Variants in PRR33 observed in about 807,000 individuals in gnomAD.
The protein encoded by PRR33 is proline-rich protein 33.
PRR33 carries 1 observed loss-of-function variant against 0.5 expected under a neutral mutation model. The observed-to-expected ratio is 2.18, with a 90% confidence interval of 0.77 to 10.34. PRR33 has a LOEUF of 10.34. PRR33 is among the 30% of genes most tolerant of loss of function. The probability of loss-of-function intolerance (pLI) is 0.13; values close to 1 mark genes in which losing one functional copy is unlikely to be tolerated. For missense variants in PRR33, 552 were observed against 251.8 expected (o/e 2.19, Z -8.07); for synonymous variants, 226 against 110.0 (o/e 2.06, Z -6.60).
the PRR33 span, among the ~76,000 whole-genome samples, chr11:1,898,855 G>T: frequency 6.6e-6 from 1 of 152,114 alleles, no homozygotes; most frequent in African/African-American, 2.4e-5. Context: ...ACAAAAATTA[G>T]CTGGGCTTGG....
At chr11:1,904,410 T>C in the PRR33 span, among the ~76,000 whole-genome samples, 1 of 151,628 alleles carries the variant, frequency 6.6e-6, no homozygotes, top group South Asian at 2.1e-4. Flanking sequence ...ATGCCTGTAA[T>C]CCCAGCTACT....
At chr11:1,899,615 C>T in the PRR33 span, among the ~76,000 whole-genome samples, 1 of 152,144 alleles carries the variant, frequency 6.6e-6, no homozygotes, top group African/African-American at 2.4e-5. Flanking sequence ...ATGGACCCGA[C>T]GGCCATCCAC....
the PRR33 span, among the ~76,000 whole-genome samples, chr11:1,916,029 G>T: frequency 6.6e-6 from 1 of 152,066 alleles, no homozygotes; most frequent in Admixed American, 6.5e-5. Context: ...CAGACGGAGG[G>T]ATGGATGATG....
At position 1,889,846 on chromosome 11, in the gene PRR33, C is replaced by A. The variant is rs905555351; in HGVS notation, c.739G>T (p.Val247Leu). The A allele has an allele frequency of 6.3e-6, 4 of 633,590 alleles. No individual in the cohort carries two copies. The Admixed American group carries it at 1.1e-4, about 17-fold the overall frequency. The allele number at this position is 633,590 out of a possible 1,614,324, so 39.2% of individuals were successfully genotyped here. ...TGGAAGCCGGGTGGCGGCCGTGGTA[C>A]AGGGGGCTCCTCAGGCAAGGGACTG... The change falls in exon 1 of 1, where the codon GTA (valine) becomes TTA (leucine). Residue 247 changes from valine to leucine, a missense_variant. Physicochemically the swap from Val to Leu is conservative, Grantham distance 32 (BLOSUM62 1). Coordinates refer to ENST00000640310, the Ensembl canonical transcript of PRR33.
the PRR33 span, among the ~76,000 whole-genome samples, chr11:1,900,143 G>A: frequency 6.6e-6 from 1 of 152,074 alleles, no homozygotes; most frequent in Admixed American, 6.6e-5. Flanking sequence ...GACACAGGAA[G>A]GACCAGGTGG....
chr11:1,903,825 A>C, the PRR33 span, among the ~76,000 whole-genome samples: 1 of 152,178 alleles, frequency 6.6e-6, no homozygotes, highest in Non-Finnish European at 1.5e-5. Context: ...AAAAGAAACC[A>C]AGAGAGTAGA....
the PRR33 span, among the ~76,000 whole-genome samples, chr11:1,901,275 GCA>G: frequency 6.6e-6 from 1 of 151,628 alleles, no homozygotes; most frequent in Non-Finnish European, 1.5e-5. Flanking sequence ...TTACGCCATT[GCA>G]CTCCAGCCTG....
chr11:1,896,748 G>A (rs1376057307), upstream of PRR33, among the ~76,000 whole-genome samples: 3 of 152,198 alleles, frequency 2.0e-5, no homozygotes, highest in Non-Finnish European at 2.9e-5. Flanking sequence ...TCAGTCTTCC[G>A]CCATCGGTTG....
the PRR33 span, among the ~76,000 whole-genome samples, chr11:1,915,230 A>G: frequency 7.0e-6 from 1 of 141,946 alleles, no homozygotes; most frequent in African/African-American, 2.7e-5. Flanking sequence ...GGGTGTACAC[A>G]CTTAGGGATG....
chr11:1,898,094 G>A, the PRR33 span, among the ~76,000 whole-genome samples: 1 of 152,144 alleles, frequency 6.6e-6, no homozygotes, highest in Non-Finnish European at 1.5e-5. Context: ...CATCGGCAAC[G>A]GCACAGACGC....
the PRR33 span, among the ~76,000 whole-genome samples, chr11:1,910,958 G>A: frequency 6.6e-6 from 1 of 152,094 alleles, no homozygotes; most frequent in Non-Finnish European, 1.5e-5. Context: ...TTTAGATAGT[G>A]AAAACTAATT....
At chr11:1,898,291 G>A in the PRR33 span, among the ~76,000 whole-genome samples, 2 of 151,646 alleles carry the variant, frequency 1.3e-5, no homozygotes, top group African/African-American at 2.4e-5. Flanking sequence ...GTGCAGCGGC[G>A]CCAGCCATGT....
At chr11:1,888,680 C>G (rs555408062) in exon 1 of PRR33, 1 of 155,238 alleles carries the variant, frequency 6.4e-6, no homozygotes, top group Non-Finnish European at 1.4e-5. Flanking sequence ...CTGCTCCTGA[C>G]GCCGATGGCC....
At chr11:1,917,310 G>A in the PRR33 span, among the ~76,000 whole-genome samples, 4 of 152,170 alleles carry the variant, frequency 2.6e-5, no homozygotes, top group Non-Finnish European at 5.9e-5. Context: ...GAGGGGCCCC[G>A]GCCACCATCT....
the PRR33 span, among the ~76,000 whole-genome samples, chr11:1,914,853 C>CTCTG: frequency 3.5e-4 from 44 of 125,474 alleles, no homozygotes; most frequent in African/African-American, 1.4e-3. Flanking sequence ...GGAGATGTTT[C>CTCTG]TGTGTGTGTG....
At chr11:1,900,493 A>G in the PRR33 span, among the ~76,000 whole-genome samples, 4 of 152,222 alleles carry the variant, frequency 2.6e-5, no homozygotes, top group Non-Finnish European at 5.9e-5. Flanking sequence ...AGCCTATTCA[A>G]GAGGGCTTAT....
At chr11:1,916,825 T>C in the PRR33 span, among the ~76,000 whole-genome samples, 1 of 152,114 alleles carries the variant, frequency 6.6e-6, no homozygotes, top group African/African-American at 2.4e-5. Flanking sequence ...AGCAACCCCA[T>C]GCCCCTGCTC....
the PRR33 span, among the ~76,000 whole-genome samples, chr11:1,899,345 A>G: frequency 2.0e-5 from 3 of 152,188 alleles, no homozygotes; most frequent in African/African-American, 7.2e-5. Flanking sequence ...ATTTCACTGC[A>G]GTGTGGGTGG....
upstream of PRR33, among the ~76,000 whole-genome samples, chr11:1,895,685 G>A (rs368053685): frequency 6.6e-6 from 1 of 152,200 alleles, no homozygotes; most frequent in Non-Finnish European, 1.5e-5. Context: ...TTAGACCCAC[G>A]ATCCTTTTTG....
Sources: gnomAD v4.1 joint callset for allele counts (sites outside exome capture counted in the v4.1 genomes callset) on GRCh38, gnomAD v4.1.1 for gene constraint, MANE v1.5 for transcripts, NCBI Gene and HGNC (gene_info 2026-07-23, HGNC 2026-07-21) for gene names.